PCBP3: variants seen among roughly 807,000 people sequenced by gnomAD.
PCBP3 encodes poly(rC)-binding protein 3.
Under a neutral mutation model 52.7 loss-of-function variants are expected in PCBP3, and 25 were observed. The ratio of observed to expected loss-of-function variants is 0.47; its 90% CI spans 0.35 to 0.66. The LOEUF is 0.66. Among genes scored for constraint, PCBP3 ranks in the 30% least tolerant of loss-of-function variants. PCBP3 has a pLI of 0.01. For missense variants in PCBP3, 391 were observed against 490.3 expected, an observed-to-expected ratio of 0.80 and a Z score of 1.91; for synonymous variants, 162 against 183.0, an observed-to-expected ratio of 0.89 and a Z score of 0.93.
chr21:45,851,815 A>C lies in PCBP3; in HGVS notation c.10+1720A>C, dbSNP rs2148231655. Among the ~76,000 whole-genome samples the C allele has an allele frequency of 1.3e-5, 2 of 152,374 alleles. 1 individual carries two copies. The highest frequency in any genetic ancestry group is 4.8e-5 in the African/African-American group (2 of 41,596). On this transcript the variant is annotated intron_variant, in intron 5 of 17. Transcript: ENST00000681687. ...TTGGATAAGCCAATAATACTAAAGA[A>C]ATTTAAGTGACAATCAAAGACTTCC...
chr21:45,810,108 T>C (rs1206662642), intron 4 of PCBP3, among the ~76,000 whole-genome samples: 1 of 152,244 alleles, frequency 6.6e-6, no homozygotes, highest in Non-Finnish European at 1.5e-5. Flanking sequence ...ATTGAAATAA[T>C]AATTTACTGC....
At position 45,688,213 on chromosome 21, in the gene PCBP3, C is replaced by T. The variant is rs140238744; in HGVS notation, c.-200+19261C>T. Among the ~76,000 whole-genome samples, 4 of 152,216 alleles carry T rather than the reference C, an allele frequency of 2.6e-5. No homozygotes were observed. The East Asian group carries it at 7.7e-4, about 29-fold the overall frequency. On this transcript the variant is annotated intron_variant, in intron 2 of 17. Coordinates refer to ENST00000681687, the MANE Select transcript of PCBP3 (RefSeq NM_001384156.1). ...TCAATAAGAGAATAGAAGAGTTGAA[C>T]AACACCAGCAACCAATTTGTTCTAC...
At chr21:45,874,510 T>C (rs1020978416) in intron 5 of PCBP3, among the ~76,000 whole-genome samples, 18 of 149,770 alleles carry the variant, frequency 1.2e-4, no homozygotes, top group African/African-American at 3.4e-4. Flanking sequence ...CTTTTCTTTT[T>C]TTTTTTTTTT....
In PCBP3 at chr21:45,817,254, C is replaced by A. The variant is rs2092993726; in HGVS notation, c.-125-32707C>A. Among the ~76,000 whole-genome samples the A allele has an allele frequency of 6.6e-6, 1 of 152,196 alleles. No homozygotes were observed. Among genetic ancestry groups the A allele is most frequent in the Non-Finnish European group, 1.5e-5 (1 of 68,034 alleles). ...ACGTTGTCCTCCTCCTAAGGTGTAG[C>A]CTTTCATGGGTCTCAAGTGAACACC... On this transcript the variant is annotated intron_variant, in intron 4 of 17. Coordinates refer to ENST00000681687, the MANE Select transcript of PCBP3 (RefSeq NM_001384156.1). The surrounding 1 kb of genome is among the most constrained non-coding windows in gnomAD (Gnocchi z 4.3).
chr21:45,712,521 A>C (rs1473544074), intron 2 of PCBP3, among the ~76,000 whole-genome samples: 1 of 152,300 alleles, frequency 6.6e-6, no homozygotes, highest in East Asian at 1.9e-4. Context: ...GCCAGTTTTG[A>C]AAACTGACTC....
At chr21:45,753,035 A>G (rs2087680736) in intron 3 of PCBP3, 1 of 148,080 alleles carries the variant, frequency 6.8e-6, no homozygotes, top group African/African-American at 2.5e-5. Flanking sequence ...TAGCTACTCA[A>G]GAGGATCCTT....
At chr21:45,826,395 C>A (rs1245250934) in intron 4 of PCBP3, among the ~76,000 whole-genome samples, 1 of 152,174 alleles carries the variant, frequency 6.6e-6, no homozygotes, top group Non-Finnish European at 1.5e-5. Context: ...CCACATAACG[C>A]AGGTGAATGT....
intron 4 of PCBP3, among the ~76,000 whole-genome samples, chr21:45,785,306 C>A (rs533063711): frequency 1.3e-5 from 2 of 150,474 alleles, no homozygotes; most frequent in South Asian, 4.2e-4. Context: ...GTCAGCCCCC[C>A]GCCCGGCCAG....
intron 13 of PCBP3, chr21:45,919,541 T>C (rs967317659): frequency 6.6e-6 from 1 of 152,244 alleles, no homozygotes; most frequent in East Asian, 1.9e-4. Flanking sequence ...ACAATAGTTA[T>C]TCCATTAAAG....
chr21:45,933,098 C>T (rs1040078412), intron 15 of PCBP3, among the ~76,000 whole-genome samples: 4 of 152,140 alleles, frequency 2.6e-5, no homozygotes, highest in Admixed American at 6.5e-5. Context: ...TGAATGAACA[C>T]ATCGGCCATG....
intron 4 of PCBP3, among the ~76,000 whole-genome samples, chr21:45,768,315 CT>C (rs1213666188): frequency 6.6e-6 from 1 of 152,238 alleles, no homozygotes; most frequent in Non-Finnish European, 1.5e-5. Flanking sequence ...GTTTCCAGCA[CT>C]GCGAGACTCT....
At chr21:45,854,326 A>G (rs745806024) in intron 5 of PCBP3, among the ~76,000 whole-genome samples, 29 of 152,228 alleles carry the variant, frequency 1.9e-4, no homozygotes, top group Non-Finnish European at 3.8e-4. Flanking sequence ...ATTTTTTAGC[A>G]TACAGTTCAG....
At chr21:45,933,071 G>C (rs1350052513) in intron 15 of PCBP3, among the ~76,000 whole-genome samples, 9 of 151,360 alleles carry the variant, frequency 5.9e-5, no homozygotes, top group Non-Finnish European at 7.4e-5. Flanking sequence ...GAACACATCG[G>C]CCACGCCGTC....
intron 4 of PCBP3, chr21:45,760,612 T>G (rs372538250): frequency 6.6e-6 from 1 of 152,030 alleles, no homozygotes; most frequent in Admixed American, 6.6e-5. Flanking sequence ...TTTGATAAGT[T>G]ATGTAATTAA....
At chr21:45,705,069 C>T (rs1235084765) in intron 2 of PCBP3, among the ~76,000 whole-genome samples, 6 of 152,260 alleles carry the variant, frequency 3.9e-5, no homozygotes, top group South Asian at 4.2e-4. Flanking sequence ...CTCTCTGGGC[C>T]CAGCCGGAAG....
intron 1 of PCBP3, among the ~76,000 whole-genome samples, chr21:45,664,322 A>G (rs2080629068): frequency 6.9e-6 from 1 of 145,474 alleles, no homozygotes; most frequent in African/African-American, 2.5e-5. Flanking sequence ...ATGAAAGAAA[A>G]TAAACTATCA....
chr21:45,892,555 A>G (rs982297943), intron 5 of PCBP3, among the ~76,000 whole-genome samples: 14 of 143,852 alleles, frequency 9.7e-5, no homozygotes, highest in African/African-American at 3.5e-4. Context: ...GACCGTGTTC[A>G]TGTTCACACC....
intron 11 of PCBP3, 139 bp downstream of exon 11, chr21:45,911,169 C>T: frequency 3.0e-6 from 3 of 989,862 alleles, no homozygotes; most frequent in Non-Finnish European, 4.7e-6. Flanking sequence ...CCCAAGTCAG[C>T]CTGAGCGAGA....
At chr21:45,887,590 T>C (rs2095551749) in intron 5 of PCBP3, among the ~76,000 whole-genome samples, 1 of 152,360 alleles carries the variant, frequency 6.6e-6, no homozygotes. Flanking sequence ...CTGTCACCAG[T>C]GGCCTCGTTC....
Sources: gnomAD v4.1 joint callset for allele counts (sites outside exome capture counted in the v4.1 genomes callset) on GRCh38, gnomAD v4.1.1 for gene constraint, Gnocchi (gnomAD v3.1) non-coding constraint, MANE v1.5 for transcripts, NCBI Gene and HGNC (gene_info 2026-07-23, HGNC 2026-07-21) for gene names.